SLC38A4: variants seen among roughly 807,000 people sequenced by gnomAD.
SLC38A4 encodes solute carrier family 38 member 4.
A neutral mutation model predicts 63.1 loss-of-function variants in SLC38A4; 20 were observed. The ratio of observed to expected loss-of-function variants is 0.32; its 90% CI spans 0.22 to 0.46. The LOEUF (loss-of-function observed/expected upper bound fraction) is 0.46. SLC38A4 is among the 20% of genes least tolerant of loss of function. The pLI, the probability that SLC38A4 is intolerant of heterozygous loss-of-function variation, is 1.00. For missense variants in SLC38A4, 526 were observed against 663.6 expected (o/e 0.79, Z 2.28); for synonymous variants, 230 against 225.5 (o/e 1.02, Z -0.18).
chr12:46,772,424 C>A (rs1346250316), intron 14 of SLC38A4, among the ~76,000 whole-genome samples: 1 of 151,882 alleles, frequency 6.6e-6, no homozygotes, highest in Non-Finnish European at 1.5e-5. Flanking sequence ...CATTATATAT[C>A]CATTAGGATT....
intron 1 of SLC38A4, among the ~76,000 whole-genome samples, chr12:46,811,019 C>T (rs1939330654): frequency 6.6e-6 from 1 of 151,984 alleles, no homozygotes; most frequent in Non-Finnish European, 1.5e-5. Flanking sequence ...CTAAATAGAT[C>T]TCAAAATATT....
intron 3 of SLC38A4, among the ~76,000 whole-genome samples, chr12:46,788,874 AC>A (rs1252295088): frequency 2.0e-5 from 3 of 152,160 alleles, no homozygotes; most frequent in African/African-American, 7.2e-5. Flanking sequence ...TGTTTATACC[AC>A]ATTCCCTCTT....
chr12:46,824,329 C>T (rs1343085836), intron 1 of SLC38A4: 1 of 152,142 alleles, frequency 6.6e-6, no homozygotes, highest in Non-Finnish European at 1.5e-5. Context: ...TGTTCCTTTT[C>T]TCCTTTCCAA....
chr12:46,788,696 T>C, intron 3 of SLC38A4, 78 bp from the exon 4 acceptor site: 1 of 1,284,910 alleles, frequency 7.8e-7, no homozygotes, highest in Non-Finnish European at 1.1e-6. Flanking sequence ...TTTCAGGTGA[T>C]CTAAGTAACT....
chr12:46,807,079 T>TCGTCATGACTA (rs1318634493), intron 1 of SLC38A4, among the ~76,000 whole-genome samples: 3 of 152,068 alleles, frequency 2.0e-5, no homozygotes, highest in African/African-American at 7.2e-5. Context: ...TGACTATACC[T>TCGTCATGACTA]AAATTTCTAA....
intron 1 of SLC38A4, among the ~76,000 whole-genome samples, chr12:46,806,461 A>C (rs1459744382): frequency 6.6e-6 from 1 of 151,858 alleles, no homozygotes; most frequent in Admixed American, 6.6e-5. Context: ...GGGTACAAGG[A>C]GGCCAGTAGG....
intron 5 of SLC38A4, 25 bp downstream of exon 5, chr12:46,787,891 A>G: frequency 6.4e-7 from 1 of 1,551,866 alleles, no homozygotes; most frequent in African/African-American, 1.4e-5. Flanking sequence ...TTCATCACCA[A>G]ATGTAGACAT....
At chr12:46,779,158 C>G (rs923130911) in intron 10 of SLC38A4, among the ~76,000 whole-genome samples, 2 of 151,904 alleles carry the variant, frequency 1.3e-5, no homozygotes, top group Non-Finnish European at 2.9e-5. Context: ...CATGATAGTG[C>G]AAGAAATTCC....
chr12:46,825,462 G>GAATTACTA (rs1468706326), intron 1 of SLC38A4, among the ~76,000 whole-genome samples: 2 of 152,152 alleles, frequency 1.3e-5, no homozygotes, highest in African/African-American at 4.8e-5. Context: ...CAAAAGATAA[G>GAATTACTA]AAGGAATAAA....
intron 1 of SLC38A4, among the ~76,000 whole-genome samples, chr12:46,822,583 A>G (rs994122909): frequency 1.3e-5 from 2 of 152,176 alleles, no homozygotes; most frequent in African/African-American, 4.8e-5. Context: ...TTTATGTTGA[A>G]CATGATTCAA....
upstream of SLC38A4, among the ~76,000 whole-genome samples, chr12:46,830,923 C>G (rs923656421): frequency 1.3e-5 from 2 of 152,246 alleles, no homozygotes; most frequent in Non-Finnish European, 2.9e-5. Context: ...TCACAAGTTT[C>G]ACAAGTGCCC....
intron 1 of SLC38A4, among the ~76,000 whole-genome samples, chr12:46,823,812 C>T (rs918143038): frequency 6.6e-6 from 1 of 152,184 alleles, no homozygotes; most frequent in Non-Finnish European, 1.5e-5. Context: ...TAGCCTAAGC[C>T]TTCCAGGTAC....
Position 46,779,801 on chromosome 12 carries a change from G to A in SLC38A4, c.637C>T (p.Leu213Phe). The A allele has an allele frequency of 6.2e-7, 1 of 1,611,380 alleles. No homozygotes were observed. Among genetic ancestry groups the A allele is most frequent in the Non-Finnish European group, 8.5e-7 (1 of 1,178,812 alleles). Residue 213 changes from leucine to phenylalanine, a missense_variant, in exon 9 of 17, where the codon CTT becomes TTT. By Grantham distance (22) the Leu-to-Phe change is conservative. Transcript: ENST00000266579. ...IFVSVGIILPLSLLKNLGYLG... is the reference protein window; with the variant it reads ...IFVSVGIILPFSLLKNLGYLG... ...TTACCTAAATTTTTAAGGAGCGAAAGTGGAAGAATAATTCCAACAGACACA... is the reference window on the plus strand; with the variant it reads ...TTACCTAAATTTTTAAGGAGCGAAAATGGAAGAATAATTCCAACAGACACA...
At chr12:46,787,730 C>G (rs74318380) in intron 5 of SLC38A4, among the ~76,000 whole-genome samples, 186 bp downstream of exon 5, 1,622 of 152,262 alleles carry the variant, frequency 0.011, 18 homozygotes, top group East Asian at 0.056. Context: ...GCTGCTCCAG[C>G]ACTTTGGTTG....
chr12:46,823,064 G>T (rs757490330), intron 1 of SLC38A4, among the ~76,000 whole-genome samples: 60 of 152,110 alleles, frequency 3.9e-4, no homozygotes, highest in Non-Finnish European at 5.6e-4. Context: ...TAAAAAATCA[G>T]AAAACAACCC....
chr12:46,830,764 G>A (rs180711480), upstream of SLC38A4, among the ~76,000 whole-genome samples: 14 of 152,320 alleles, frequency 9.2e-5, no homozygotes, highest in East Asian at 2.1e-3. Context: ...TATTGCTCTA[G>A]AGCCACTCCT....
At chr12:46,811,135 A>T (rs1939332682) in intron 1 of SLC38A4, among the ~76,000 whole-genome samples, 2 of 152,052 alleles carry the variant, frequency 1.3e-5, no homozygotes, top group African/African-American at 4.8e-5. Flanking sequence ...ACATTACTGA[A>T]CACCTACATG....
intron 6 of SLC38A4, 70 bp downstream of exon 6, chr12:46,785,034 G>T (rs1938729317): frequency 3.3e-6 from 4 of 1,221,322 alleles, no homozygotes; most frequent in Non-Finnish European, 4.9e-6. Context: ...CTAAGGTTAT[G>T]AAGCAACAGA....
intron 7 of SLC38A4, among the ~76,000 whole-genome samples, chr12:46,783,020 ATG>A (rs71437771): frequency 0.021 from 2,179 of 103,728 alleles, 66 homozygotes; most frequent in African/African-American, 0.067. Context: ...GAGAGAGAAA[ATG>A]TGTGTGTGTG....
Sources: allele counts gnomAD v4.1 joint callset (sites outside exome capture counted in the v4.1 genomes callset), GRCh38; gene constraint gnomAD v4.1.1; transcripts MANE v1.5; gene names NCBI Gene and HGNC (gene_info 2026-07-23, HGNC 2026-07-21).